The following EVC2 variants were observed in gnomAD, a reference collection of about 807,000 sequenced individuals.
EVC2 encodes the protein limbin.
Under a neutral mutation model 149.3 loss-of-function variants are expected in EVC2, and 148 were observed. The observed-to-expected ratio is 0.99, with a 90% CI of 0.87 to 1.14. The LOEUF (loss-of-function observed/expected upper bound fraction) is 1.14, where lower values mean the gene tolerates loss of function less well. EVC2 is among the 50% of genes most tolerant of loss of function. The probability of loss-of-function intolerance (pLI) is 0.00; values close to 1 mark genes in which losing one functional copy is unlikely to be tolerated. For missense variants in EVC2, 1,854 were observed against 1,627.3 expected (o/e 1.14, Z -2.40); for synonymous variants, 776 against 649.9 (o/e 1.19, Z -2.95).
intron 20 of EVC2, among the ~76,000 whole-genome samples, chr4:5,566,905 C>T (rs1722323407): frequency 6.6e-6 from 1 of 152,142 alleles, no homozygotes; most frequent in Non-Finnish European, 1.5e-5. Flanking sequence ...CCTGCATGTC[C>T]GTGCACGCAG....
rs536494228 is a variant in EVC2, at chr4:5,690,408, T to G, written c.519+857A>C. 5.1e-3 allele frequency among the ~76,000 whole-genome samples: 760 copies of G among 150,432 alleles called. 5 individuals are homozygous for G. Among genetic ancestry groups the G allele is most frequent in the African/African-American group, 0.014 (564 of 40,858 alleles). ...CCTGATTACAGTGTGGGTTGTTGTT[T>G]TTTTTTTTTTTTTTAATATGCCTGG... On this transcript the variant is annotated intron_variant, in intron 4 of 21. Coordinates refer to ENST00000344408, the MANE Select transcript of EVC2 (RefSeq NM_147127.5).
chr4:5,592,916 T>C (rs1396452536), intron 16 of EVC2, among the ~76,000 whole-genome samples: 2 of 152,172 alleles, frequency 1.3e-5, no homozygotes, highest in Non-Finnish European at 2.9e-5. Context: ...GTAGTTCTCA[T>C]AATCCCCACC....
rs1051020192 is a variant in EVC2, at chr4:5,696,253, G to A, written c.283+1340C>T. ...TAAGCGCTCCATCTCTGGTCCACCCGTTTATGCCTCTCTGGCTCTCCTGGT... is the reference window on the plus strand; with the variant it reads ...TAAGCGCTCCATCTCTGGTCCACCCATTTATGCCTCTCTGGCTCTCCTGGT... On this transcript the variant is annotated intron_variant, in intron 2 of 21. Coordinates refer to ENST00000344408, the MANE Select transcript of EVC2 (RefSeq NM_147127.5). This position sits in a 1 kb window ranked among gnomAD's most constrained non-coding sequence, Gnocchi z 4.1. Among the ~76,000 whole-genome samples, 11 of 152,196 alleles carry A rather than the reference G, an allele frequency of 7.2e-5. No individual in the cohort carries two copies. The highest frequency in any genetic ancestry group is 1.3e-4 in the Admixed American group (2 of 15,282).
Position 5,615,460 on chromosome 4 carries a change from G to C in EVC2, c.2791C>G (p.Leu931Val). The C allele has an allele frequency of 1.9e-6, 3 of 1,614,206 alleles. No individual in the cohort carries two copies. The African/African-American group carries it at 4.0e-5, about 22-fold the overall frequency. ...TCTTCAGAGGCCTGTTCCTCACAGA[G>C]GTGAATTTTGTCTTCGATGCACTTC... ...LKKCIEDKIH[L>V]CEEQASEDLV... The change falls in exon 16 of 22, where the codon CTC (leucine) becomes GTC (valine). Residue 931 changes from leucine (L) to valine (V), a missense_variant. Transcript: ENST00000344408.
chr4:5,706,393 CATAGATAGATAG>C lies in EVC2; in HGVS notation c.228+1881_228+1892del, dbSNP rs1280680864. 2.3e-3 allele frequency among the ~76,000 whole-genome samples: 22 copies of C among 9,666 alleles called. 5 individuals carry two copies. The highest frequency in any genetic ancestry group is 7.8e-3 in the East Asian group (3 of 386). The allele number at this position is 9,666 out of a possible 152,430, so 6.3% of individuals were successfully genotyped here. A position where few individuals can be genotyped will look rare whatever the true frequency, so the allele number is the denominator to read the frequency against. ...ACATAGATAGATACATAGATAGATA[CATAGATAGATAG>C]ATAGATACATAGATAGATAGATACA... On this transcript the variant is annotated intron_variant, in intron 1 of 21. Coordinates refer to ENST00000344408, the MANE Select transcript of EVC2 (RefSeq NM_147127.5).
chr4:5,567,889 G>A lies in EVC2; in HGVS notation c.3557+555C>T, dbSNP rs1174614743. On this transcript the variant is annotated intron_variant, in intron 20 of 21. Transcript: ENST00000344408. The surrounding 1 kb of genome is among the most constrained non-coding windows in gnomAD (Gnocchi z 4.4). ...AACACTAGCAGGAAATAGAATCTAAGTAATGGGATAAGAATTACATAGGGG... is the reference window on the plus strand; with the variant it reads ...AACACTAGCAGGAAATAGAATCTAAATAATGGGATAAGAATTACATAGGGG... Among the ~76,000 whole-genome samples, 1 of 152,174 alleles carries A rather than the reference G, an allele frequency of 6.6e-6. No homozygotes were observed. The highest frequency in any genetic ancestry group is 1.5e-5 in the Non-Finnish European group (1 of 68,030).
intron 1 of EVC2, among the ~76,000 whole-genome samples, chr4:5,706,345 G>GATAC (rs1560243222): frequency 2.1e-5 from 2 of 93,622 alleles, no homozygotes; most frequent in African/African-American, 8.7e-5. Context: ...TAGATACATA[G>GATAC]ATAGATAGAC....
chr4:5,676,890 G>A (rs781384360), intron 7 of EVC2, among the ~76,000 whole-genome samples: 1 of 151,988 alleles, frequency 6.6e-6, no homozygotes, highest in African/African-American at 2.4e-5. Context: ...TGGGGATGGT[G>A]GGTGACAGGC....
At position 5,640,680 on chromosome 4, in the gene EVC2, T is replaced by C; in HGVS notation, c.1304A>G (p.Gln435Arg). 1 of 1,614,162 alleles carries C rather than the reference T, an allele frequency of 6.2e-7. No individual in the cohort carries two copies. Among genetic ancestry groups the C allele is most frequent in the Non-Finnish European group, 8.5e-7 (1 of 1,180,022 alleles). ...ERKMSAVFKK[Q>R]FLLLENEIQE... ...TATTTCATTTTCCAGCAATAGAAACTGCTTTTTGAAAACAGCACTCATTTT... is the reference window on the plus strand; with the variant it reads ...TATTTCATTTTCCAGCAATAGAAACCGCTTTTTGAAAACAGCACTCATTTT... The change falls in exon 10 of 22, where the codon CAG (glutamine) becomes CGG (arginine). Residue 435 changes from glutamine (Q) to arginine (R), a missense_variant. Transcript: ENST00000344408. The surrounding 1 kb of genome is among the most constrained non-coding windows in gnomAD (Gnocchi z 4.6).
rs78103376 is a variant in EVC2, at chr4:5,563,840, T to C, written c.3660-725A>G. Among the ~76,000 whole-genome samples the C allele has an allele frequency of 9.2e-5, 14 of 152,104 alleles. No individual in the cohort carries two copies. The East Asian group carries it at 2.7e-3, about 29-fold the overall frequency. Reference sequence around the variant, plus strand: ...CTAAAAGCAGGCTAATGAAACCTGGTTACAAGGCAACAGTTAGAAGTCAGG... The same window carrying C: ...CTAAAAGCAGGCTAATGAAACCTGGCTACAAGGCAACAGTTAGAAGTCAGG... On this transcript the variant is annotated intron_variant, in intron 21 of 21. Coordinates refer to ENST00000344408, the MANE Select transcript of EVC2 (RefSeq NM_147127.5).
chr4:5,606,822 T>C (rs570958185), intron 16 of EVC2, among the ~76,000 whole-genome samples: 3 of 152,138 alleles, frequency 2.0e-5, no homozygotes, highest in Non-Finnish European at 4.4e-5. Context: ...ATTAATGGAA[T>C]CAACAGATAA....
At position 5,657,607 on chromosome 4, in the gene EVC2, G is replaced by A. The variant is rs1337719941; in HGVS notation, c.1145+5500C>T. On this transcript the variant is annotated intron_variant, in intron 9 of 21. Transcript: ENST00000344408. This position sits in a 1 kb window ranked among gnomAD's most constrained non-coding sequence, Gnocchi z 4.7. ...GCGACTTTCCACCAAGAACACCATT[G>A]TGTAGAGGCACCTACTGTGCCAGGC... Among the ~76,000 whole-genome samples the A allele has an allele frequency of 3.9e-5, 6 of 151,962 alleles. No individual in the cohort carries two copies. The highest frequency in any genetic ancestry group is 1.5e-4 in the African/African-American group (6 of 41,374).
At position 5,670,634 on chromosome 4, in the gene EVC2, C is replaced by T. The variant is rs1719587631; in HGVS notation, c.871-4985G>A. ...ATCATCTTCACCATCACCATCACTA[C>T]CATCATTGTCAACATTATCAATATG... On this transcript the variant is annotated intron_variant, in intron 7 of 21. Transcript: ENST00000344408. The surrounding 1 kb of genome is among the most constrained non-coding windows in gnomAD (Gnocchi z 5.2). Among the ~76,000 whole-genome samples the T allele has an allele frequency of 6.6e-6, 1 of 151,176 alleles. No homozygotes were observed.
chr4:5,685,521 C>T (rs1276865994), intron 5 of EVC2, 42 bp from the exon 6 acceptor site: 1 of 1,577,976 alleles, frequency 6.3e-7, no homozygotes, highest in African/African-American at 1.3e-5. Flanking sequence ...AGGGCTTGGC[C>T]ACGCCCCCGG....
chr4:5,650,671 A>AGAGAGAGAGG (rs35334619), intron 9 of EVC2, among the ~76,000 whole-genome samples: 4 of 102,412 alleles, frequency 3.9e-5, no homozygotes, highest in African/African-American at 1.2e-4. Context: ...AGAGAGAGAG[A>AGAGAGAGAGG]GCCATTTAAT....
Position 5,663,071 on chromosome 4 carries a change from CAT to C in EVC2, c.1145+34_1145+35del, listed in dbSNP as rs147183830. On this transcript the variant is annotated intron_variant, in intron 9 of 21. Coordinates refer to ENST00000344408, the MANE Select transcript of EVC2 (RefSeq NM_147127.5). ...GTCACTGTCGTTAAAACATTCATCA[CAT>C]GTGTGTAAGTATAATGGGATTTAGA... 30,105 of 1,612,788 alleles carry C rather than the reference CAT, an allele frequency of 0.019. 587 individuals are homozygous for C. The highest frequency in any genetic ancestry group is 0.018 in the Non-Finnish European group (20,930 of 1,179,292).
intron 10 of EVC2, among the ~76,000 whole-genome samples, chr4:5,632,925 G>A (rs564181831): frequency 2.5e-4 from 38 of 152,148 alleles, no homozygotes; most frequent in African/African-American, 8.4e-4. Flanking sequence ...CCCTCCCCTT[G>A]AGCATGGGAA....
chr4:5,536,616 C>G, the EVC2 span, among the ~76,000 whole-genome samples: 2 of 152,004 alleles, frequency 1.3e-5, no homozygotes, highest in Non-Finnish European at 2.9e-5. Context: ...AACCCCGTTT[C>G]TACTAAAAAT....
intron 7 of EVC2, 116 bp downstream of exon 7, chr4:5,681,144 G>C: frequency 8.6e-7 from 1 of 1,158,344 alleles, no homozygotes; most frequent in Non-Finnish European, 1.3e-6. Flanking sequence ...CAGTCTCAAC[G>C]CATAACTGGG....
Sources: allele counts gnomAD v4.1 joint callset (sites outside exome capture counted in the v4.1 genomes callset), GRCh38; gene constraint gnomAD v4.1.1; non-coding constraint Gnocchi (gnomAD v3.1); transcripts MANE v1.5; gene names NCBI Gene and HGNC (gene_info 2026-07-23, HGNC 2026-07-21).